The following CSMD1 variants were observed in gnomAD, a reference collection of about 807,000 sequenced individuals.
The protein encoded by CSMD1 is CUB and sushi domain-containing protein 1.
CSMD1 carries 213 observed loss-of-function variants against 417.5 expected under a neutral mutation model. The ratio of observed to expected loss-of-function variants is 0.51; its 90% CI spans 0.46 to 0.57. The LOEUF (loss-of-function observed/expected upper bound fraction) is 0.57, where lower values mean the gene tolerates loss of function less well. Ranked by LOEUF, CSMD1 falls within the 20% of genes least tolerant of loss-of-function variation. The pLI is 0.00. For missense variants in CSMD1, 6,923 were observed against 4,529.7 expected (o/e 1.53, Z -15.17); for synonymous variants, 2,862 against 1,736.8 (o/e 1.65, Z -16.11).
intron 3 of CSMD1, among the ~76,000 whole-genome samples, chr8:4,258,041 G>C (rs1217530512): frequency 6.6e-6 from 1 of 151,706 alleles, no homozygotes; most frequent in African/African-American, 2.4e-5. Context: ...TGTGGAAGGG[G>C]GAAGCAATCC....
intron 49 of CSMD1, among the ~76,000 whole-genome samples, chr8:3,070,767 C>T (rs1813275732): frequency 6.6e-6 from 1 of 152,244 alleles, no homozygotes; most frequent in African/African-American, 2.4e-5. Flanking sequence ...CCAACCTCTG[C>T]CTGTTACCCA....
In CSMD1 at chr8:4,444,949, G is replaced by A. The variant is rs535942598; in HGVS notation, c.303-24884C>T. 2.6e-5 allele frequency among the ~76,000 whole-genome samples: 4 copies of A among 152,114 alleles called. No homozygotes were observed. In the South Asian group the frequency reaches 6.2e-4, roughly 24 times the overall value. ...CCTTCTTCATTTACATAAAATAACT[G>A]GGAAATCTCCACTGTGTTAAAGAAA... On this transcript the variant is annotated intron_variant, in intron 2 of 69. Coordinates refer to ENST00000635120, the MANE Select transcript of CSMD1 (RefSeq NM_033225.6).
chr8:3,644,978 A>T (rs1397972309), intron 7 of CSMD1, among the ~76,000 whole-genome samples: 1 of 150,948 alleles, frequency 6.6e-6, no homozygotes, highest in Non-Finnish European at 1.5e-5. Context: ...AAAAAAAAAA[A>T]AAAAAAAAAA....
chr8:2,940,246 T>C (rs922856856), intron 69 of CSMD1, among the ~76,000 whole-genome samples: 5 of 152,186 alleles, frequency 3.3e-5, no homozygotes, highest in African/African-American at 1.2e-4. Flanking sequence ...CTGGGCTTCC[T>C]TGCTTCTACA....
chr8:4,060,521 A>T lies in CSMD1; in HGVS notation c.416-28422T>A, dbSNP rs549599374. 8.5e-5 allele frequency among the ~76,000 whole-genome samples: 13 copies of T among 152,258 alleles called. No individual in the cohort carries two copies. In the South Asian group the frequency reaches 2.7e-3, roughly 32 times the overall value. On this transcript the variant is annotated intron_variant, in intron 3 of 69. Coordinates refer to ENST00000635120, the MANE Select transcript of CSMD1 (RefSeq NM_033225.6). ...GTTTTAGAATAGAAAAACAAAGGGG[A>T]TGTCGGAGAAGGAGTGTGGCCTCTG...
intron 3 of CSMD1, among the ~76,000 whole-genome samples, chr8:4,413,362 C>G (rs752573874): frequency 5.9e-5 from 9 of 152,096 alleles, no homozygotes; most frequent in Non-Finnish European, 8.8e-5. Context: ...ATTCTTTTAT[C>G]CGACACATTA....
chr8:3,984,177 G>A (rs1039083539), intron 5 of CSMD1, among the ~76,000 whole-genome samples: 1 of 152,306 alleles, frequency 6.6e-6, no homozygotes, highest in Non-Finnish European at 1.5e-5. Flanking sequence ...GAAAATTCAG[G>A]TCAGGAACCT....
chr8:4,567,058 G>C (rs1186227351), intron 2 of CSMD1, among the ~76,000 whole-genome samples: 1 of 152,106 alleles, frequency 6.6e-6, no homozygotes, highest in Non-Finnish European at 1.5e-5. Flanking sequence ...TGAAAAGGGG[G>C]CTTCCATAAA....
Position 3,012,896 on chromosome 8 carries a change from C to G in CSMD1, c.8029+5581G>C, listed in dbSNP as rs546531026. On this transcript the variant is annotated intron_variant, in intron 52 of 69. Coordinates refer to ENST00000635120, the MANE Select transcript of CSMD1 (RefSeq NM_033225.6). ...TGGAGACAGGAAGAGATAATTGAAT[C>G]ATGGGGGCGGGAGTTTCTGTTCTCA... Among the ~76,000 whole-genome samples, 56 of 152,298 alleles carry G rather than the reference C, an allele frequency of 3.7e-4. No individual in the cohort carries two copies. In the Middle Eastern group the frequency reaches 0.014, roughly 37 times the overall value.
chr8:3,185,197 GAACTCCGTGCT>G (rs1436423365), intron 36 of CSMD1, among the ~76,000 whole-genome samples: 1 of 152,226 alleles, frequency 6.6e-6, no homozygotes, highest in Admixed American at 6.5e-5. Context: ...TGAAGTGCAC[GAACTCCGTGCT>G]AACTCCAGGA....
At chr8:3,252,969 T>A (rs1166236867) in intron 26 of CSMD1, among the ~76,000 whole-genome samples, 1 of 152,134 alleles carries the variant, frequency 6.6e-6, no homozygotes, top group African/African-American at 2.4e-5. Context: ...CTTTATTAGT[T>A]TTGCTAGCAG....
chr8:4,551,874 G>A (rs1000697576), intron 2 of CSMD1, among the ~76,000 whole-genome samples: 3 of 142,468 alleles, frequency 2.1e-5, no homozygotes, highest in Admixed American at 7.2e-5. Context: ...TTTTTGTAGA[G>A]ATGGGGTATC....
At chr8:3,731,666 G>A (rs1796268839) in intron 6 of CSMD1, among the ~76,000 whole-genome samples, 1 of 152,196 alleles carries the variant, frequency 6.6e-6, no homozygotes, top group South Asian at 2.1e-4. Flanking sequence ...TCGGTACTGG[G>A]AGGTCAGCAA....
chr8:4,991,849 A>C (rs1811484174), intron 1 of CSMD1, among the ~76,000 whole-genome samples: 1 of 152,148 alleles, frequency 6.6e-6, no homozygotes, highest in Non-Finnish European at 1.5e-5. Flanking sequence ...AGGAGCTCGC[A>C]CTTGACCCCG....
intron 2 of CSMD1, among the ~76,000 whole-genome samples, chr8:4,610,302 A>T (rs1311601444): frequency 6.6e-6 from 1 of 152,236 alleles, no homozygotes. Context: ...ATTGAGCAAT[A>T]TCCCTCTAGT....
At chr8:4,579,891 A>C (rs1047453363) in intron 2 of CSMD1, among the ~76,000 whole-genome samples, 1 of 152,166 alleles carries the variant, frequency 6.6e-6, no homozygotes, top group African/African-American at 2.4e-5. Flanking sequence ...CCTAAGTCTT[A>C]TAAGGGTATA....
In CSMD1 at chr8:4,539,012, C is replaced by G. The variant is rs370668215; in HGVS notation, c.302+98330G>C. On this transcript the variant is annotated intron_variant, in intron 2 of 69. Transcript: ENST00000635120. ...GCCAAAATAAATAAAATAACCTACT[C>G]CCTTGTCAGGCAACGTTATCCTCCA... Among the ~76,000 whole-genome samples, 17 of 152,320 alleles carry G rather than the reference C, an allele frequency of 1.1e-4. No homozygotes were observed. The East Asian group carries it at 2.5e-3, about 23-fold the overall frequency.
At chr8:3,725,320 G>C (rs1802420017) in intron 6 of CSMD1, among the ~76,000 whole-genome samples, 1 of 152,196 alleles carries the variant, frequency 6.6e-6, no homozygotes, top group African/African-American at 2.4e-5. Flanking sequence ...TTCAGTCATA[G>C]GGCAGGACAA....
chr8:4,597,864 G>T (rs890769992), intron 2 of CSMD1, among the ~76,000 whole-genome samples: 1 of 152,152 alleles, frequency 6.6e-6, no homozygotes, highest in Non-Finnish European at 1.5e-5. Context: ...CTGATGCAGT[G>T]AGAGAGACAC....
Sources: gnomAD v4.1 joint callset for allele counts (sites outside exome capture counted in the v4.1 genomes callset) on GRCh38, gnomAD v4.1.1 for gene constraint, MANE v1.5 for transcripts, NCBI Gene and HGNC (gene_info 2026-07-23, HGNC 2026-07-21) for gene names.